Variants in HTR2C observed in about 807,000 individuals in gnomAD.
The protein encoded by HTR2C is 5-hydroxytryptamine (serotonin) receptor 2C, G protein-coupled.
Under a neutral mutation model 21.0 loss-of-function variants are expected in HTR2C, and 5 were observed. That is an observed-to-expected ratio of 0.24 (90% CI 0.12 to 0.50). The LOEUF is 0.50. HTR2C is among the 20% of genes least tolerant of loss of function. HTR2C has a pLI of 0.98. For synonymous variants in HTR2C, 150 were observed against 145.3 expected, an observed-to-expected ratio of 1.03 and a Z score of -0.23; for missense variants, 271 against 371.2, an observed-to-expected ratio of 0.73 and a Z score of 2.22.
chrX:114,752,254 C>A (rs1339221688), intron 4 of HTR2C, among the ~76,000 whole-genome samples: 9 of 111,706 alleles, frequency 8.1e-5, no homozygotes, highest in African/African-American at 2.9e-4. Flanking sequence ...TTTAGTACAA[C>A]AAAGGCATGC....
chrX:114,806,749 T>C (rs201185655), intron 4 of HTR2C, among the ~76,000 whole-genome samples: 5 of 12,381 alleles, frequency 4.0e-4, no homozygotes, highest in Admixed American at 2.0e-3. Flanking sequence ...ACCATATATA[T>C]ACACCATATA....
At chrX:114,642,323 A>T (rs1411020514) in intron 2 of HTR2C, among the ~76,000 whole-genome samples, 2 of 112,209 alleles carry the variant, frequency 1.8e-5, no homozygotes, top group Admixed American at 9.5e-5. Context: ...TGTGGTCTTC[A>T]TTCAGGCAGT....
chrX:114,640,754 C>T (rs913800793), intron 2 of HTR2C, among the ~76,000 whole-genome samples: 2 of 112,171 alleles, frequency 1.8e-5, no homozygotes, highest in Admixed American at 9.5e-5. Context: ...AAGTAGCTTA[C>T]AGTCTGGGGA....
intron 2 of HTR2C, among the ~76,000 whole-genome samples, chrX:114,620,701 C>T (rs193293418): frequency 2.7e-5 from 3 of 111,413 alleles, no homozygotes; most frequent in African/African-American, 6.5e-5. Context: ...GAATTGCACT[C>T]GGCTATTTTG....
At chrX:114,745,201 A>T (rs1258240533) in intron 4 of HTR2C, among the ~76,000 whole-genome samples, 1 of 112,599 alleles carries the variant, frequency 8.9e-6, no homozygotes, top group Non-Finnish European at 1.9e-5. Context: ...AAGGTGCTCA[A>T]CATCACTGAT....
At chrX:114,840,359 A>G (rs2070822992) in intron 4 of HTR2C, among the ~76,000 whole-genome samples, 1 of 111,847 alleles carries the variant, frequency 8.9e-6, no homozygotes, top group African/African-American at 3.2e-5. Context: ...TTTGTGGGCT[A>G]AAAAATAATA....
At chrX:114,597,270 T>C (rs1004502018) in intron 1 of HTR2C, among the ~76,000 whole-genome samples, 1 of 103,162 alleles carries the variant, frequency 9.7e-6, no homozygotes, top group Non-Finnish European at 2.0e-5. Context: ...AGCTAAATTA[T>C]ACCCGACATT....
intron 4 of HTR2C, among the ~76,000 whole-genome samples, chrX:114,771,052 T>C (rs1291719080): frequency 1.8e-5 from 2 of 111,271 alleles, no homozygotes; most frequent in Admixed American, 9.6e-5. Flanking sequence ...TCCACCCACA[T>C]TGGCCTCCCA....
chrX:114,631,445 A>G (rs367755359), intron 2 of HTR2C, among the ~76,000 whole-genome samples: 2 of 111,569 alleles, frequency 1.8e-5, no homozygotes, highest in Admixed American at 9.5e-5. Flanking sequence ...TCTTAGACTC[A>G]GTGTCCTAGT....
intron 1 of HTR2C, among the ~76,000 whole-genome samples, chrX:114,600,377 G>A (rs1225552535): frequency 8.9e-6 from 1 of 111,842 alleles, no homozygotes; most frequent in African/African-American, 3.2e-5. Flanking sequence ...ATGTTTTCAA[G>A]GAACTAAATG....
At chrX:114,629,132 C>T (rs1006586297) in intron 2 of HTR2C, among the ~76,000 whole-genome samples, 2 of 111,517 alleles carry the variant, frequency 1.8e-5, no homozygotes, top group African/African-American at 3.3e-5. Flanking sequence ...AGTTTAGAAA[C>T]GGGTCTCCAT....
chrX:114,722,966 C>G (rs868982478), intron 2 of HTR2C, among the ~76,000 whole-genome samples: 82 of 111,223 alleles, frequency 7.4e-4, no homozygotes, highest in African/African-American at 2.5e-3. Flanking sequence ...GGATATCGGT[C>G]TAAAATTCTC....
At chrX:114,716,685 G>C (rs1269514447) in intron 2 of HTR2C, among the ~76,000 whole-genome samples, 2 of 111,604 alleles carry the variant, frequency 1.8e-5, no homozygotes, top group East Asian at 2.8e-4. Context: ...AATTAGCAAA[G>C]GTGAGTTTTT....
Position 114,897,395 on chromosome X carries a change from C to CT in HTR2C, c.551-9183dup, listed in dbSNP as rs199907693. 3.1e-3 allele frequency among the ~76,000 whole-genome samples: 332 copies of CT among 106,625 alleles called. 1 individual carries two copies. Among genetic ancestry groups the CT allele is most frequent in the African/African-American group, 9.6e-3 (284 of 29,533 alleles). The allele number at this position is 106,625 out of a possible 115,157, so 92.6% of individuals were successfully genotyped here. On this transcript the variant is annotated intron_variant, in intron 5 of 5. Transcript: ENST00000276198. ...AGCCTGAAGAACTTCCTTTAGCAAT[C>CT]TTTTTTTTTTTCCAAATTTTATTTT... is the stretch of plus-strand genomic sequence containing the variant.
chrX:114,604,916 C>T (rs201085633), intron 1 of HTR2C, among the ~76,000 whole-genome samples: 13,760 of 110,455 alleles, frequency 0.12, 743 homozygotes, highest in South Asian at 0.26. Flanking sequence ...ACCTTGAAGG[C>T]GAGGTTAATT....
chrX:114,611,690 G>GGT (rs1928738235), intron 1 of HTR2C, among the ~76,000 whole-genome samples: 1 of 110,608 alleles, frequency 9.0e-6, no homozygotes, highest in Admixed American at 9.6e-5. Flanking sequence ...CAAAGTTGTG[G>GGT]TTTTTTTTAG....
chrX:114,704,025 TGAATA>T (rs1343272847), intron 2 of HTR2C, among the ~76,000 whole-genome samples: 1 of 111,213 alleles, frequency 9.0e-6, no homozygotes, highest in Non-Finnish European at 1.9e-5. Context: ...ATTGAATCTC[TGAATA>T]GACCAATAAC....
rs985442347 is a variant in HTR2C, at chrX:114,791,051, T to A, written c.350-56952T>A. Among the ~76,000 whole-genome samples the A allele has an allele frequency of 7.4e-4, 83 of 111,548 alleles. 1 individual carries two copies. The highest frequency in any genetic ancestry group is 7.4e-3 in the Admixed American group (78 of 10,528). Reference sequence around the variant, plus strand: ...TGTTTCATATATTCTTCTAGCAGTATCAAAGAAAAGAAATTGCCAAGATCC... The same window carrying A: ...TGTTTCATATATTCTTCTAGCAGTAACAAAGAAAAGAAATTGCCAAGATCC... On this transcript the variant is annotated intron_variant, in intron 4 of 5. Coordinates refer to ENST00000276198, the MANE Select transcript of HTR2C (RefSeq NM_000868.4).
intron 2 of HTR2C, among the ~76,000 whole-genome samples, chrX:114,662,312 C>G (rs999268911): frequency 6.3e-5 from 7 of 110,601 alleles, no homozygotes; most frequent in African/African-American, 2.0e-4. Context: ...CTGGAAGAAA[C>G]TATAAAATTC....
Sources: gnomAD v4.1 joint callset for allele counts (sites outside exome capture counted in the v4.1 genomes callset) on GRCh38, gnomAD v4.1.1 for gene constraint, MANE v1.5 for transcripts, NCBI Gene and HGNC (gene_info 2026-07-23, HGNC 2026-07-21) for gene names.